Variants in ABCB1 observed in about 807,000 individuals in gnomAD.
ABCB1 encodes ATP-dependent translocase ABCB1.
ABCB1 carries 69 observed loss-of-function variants against 142.0 expected under a neutral mutation model. The observed-to-expected ratio is 0.49, with a 90% confidence interval of 0.40 to 0.59. The LOEUF is 0.59. ABCB1 is among the 20% of genes least tolerant of loss of function. The probability of loss-of-function intolerance (pLI) is 0.00; values close to 1 mark genes in which losing one functional copy is unlikely to be tolerated. For missense variants in ABCB1, 1,326 were observed against 1,554.7 expected (o/e 0.85, Z 2.47); for synonymous variants, 532 against 539.2 (o/e 0.99, Z 0.18).
chr7:87,600,282 A>C (rs1819394962), intron 1 of ABCB1, 92 bp from the exon 2 acceptor site: 18 of 1,092,896 alleles, frequency 1.6e-5, no homozygotes, highest in Non-Finnish European at 2.3e-5. Flanking sequence ...GAAGCCAGAG[A>C]GCAGTAAGAG....
chr7:87,506,135 C>T, intron 26 of ABCB1, 92 bp from the exon 27 acceptor site: 5 of 1,345,424 alleles, frequency 3.7e-6, no homozygotes, highest in East Asian at 2.4e-5. Context: ...ATTCTATATA[C>T]TCCAAAAATT....
At chr7:87,504,893 A>C (rs1365567312) in intron 27 of ABCB1, among the ~76,000 whole-genome samples, 1 of 152,108 alleles carries the variant, frequency 6.6e-6, no homozygotes, top group Admixed American at 6.6e-5. Flanking sequence ...GTTTTTGAAA[A>C]CAAAGGATTT....
intron 6 of ABCB1, 37 bp from the exon 7 acceptor site, chr7:87,566,278 A>G: frequency 1.2e-6 from 2 of 1,600,990 alleles, no homozygotes; most frequent in South Asian, 2.2e-5. Flanking sequence ...AATTGTCAGA[A>G]TTGTAAACAT....
At chr7:87,608,318 C>CAG (rs1819732088) in intron 1 of ABCB1, among the ~76,000 whole-genome samples, 1 of 152,072 alleles carries the variant, frequency 6.6e-6, no homozygotes, top group South Asian at 2.1e-4. Flanking sequence ...GTCTATATTC[C>CAG]GAATGTTTAC....
chr7:87,614,259 T>C (rs1260945034), intron 1 of ABCB1, among the ~76,000 whole-genome samples: 1 of 152,140 alleles, frequency 6.6e-6, no homozygotes, highest in Non-Finnish European at 1.5e-5. Context: ...TAGCCAGATG[T>C]GGTGGCATGC....
At chr7:87,699,349 A>T (rs1013068692) in intron 1 of ABCB1, among the ~76,000 whole-genome samples, 3 of 152,162 alleles carry the variant, frequency 2.0e-5, no homozygotes, top group Admixed American at 2.0e-4. Flanking sequence ...CTCATATTCC[A>T]CTTAAAAATA....
intron 1 of ABCB1, among the ~76,000 whole-genome samples, chr7:87,669,769 T>C (rs1263174130): frequency 3.9e-5 from 6 of 152,158 alleles, no homozygotes; most frequent in African/African-American, 1.4e-4. Flanking sequence ...GTTGAAGATT[T>C]TTTTCTTTAA....
chr7:87,708,438 A>G (rs1829793964), intron 1 of ABCB1, among the ~76,000 whole-genome samples: 1 of 152,122 alleles, frequency 6.6e-6, no homozygotes, highest in Non-Finnish European at 1.5e-5. Flanking sequence ...CACCAAAACT[A>G]ACACGAAAAG....
intron 1 of ABCB1, chr7:87,710,504 T>C: frequency 1.2e-6 from 1 of 868,400 alleles, no homozygotes; most frequent in Non-Finnish European, 1.8e-6. Context: ...AAAATATTTT[T>C]GATGGCACAG....
chr7:87,546,044 G>T lies in ABCB1; in HGVS notation c.1726-20C>A, dbSNP rs1338337920. ...TCTGGCCTAAAGAGAGAGAAATTTGGTTTTTGAATACATTAACAATTACCT... is the reference window on the plus strand; with the variant it reads ...TCTGGCCTAAAGAGAGAGAAATTTGTTTTTTGAATACATTAACAATTACCT... On this transcript the variant is annotated intron_variant, in intron 14 of 27. Transcript: ENST00000622132. 1 of 1,613,636 alleles carries T rather than the reference G, an allele frequency of 6.2e-7. No individual in the cohort carries two copies. The highest frequency in any genetic ancestry group is 1.7e-5 in the Admixed American group (1 of 60,012).
intron 1 of ABCB1, among the ~76,000 whole-genome samples, chr7:87,680,318 C>T (rs1378862175): frequency 2.0e-5 from 3 of 150,588 alleles, no homozygotes; most frequent in Non-Finnish European, 4.4e-5. Context: ...GCTAATAACT[C>T]TTGGATCAAA....
At chr7:87,626,996 G>A (rs1261973508) in intron 1 of ABCB1, among the ~76,000 whole-genome samples, 1 of 151,932 alleles carries the variant, frequency 6.6e-6, no homozygotes. Context: ...GGCTGGTCTC[G>A]AACTCCTGAC....
chr7:87,650,719 A>AT (rs1454474111), intron 1 of ABCB1: 2 of 710,818 alleles, frequency 2.8e-6, no homozygotes, highest in Middle Eastern at 2.4e-4. Flanking sequence ...ACTCTTGTAA[A>AT]ATATTTTTAC....
chr7:87,506,368 A>G (rs895182446), intron 26 of ABCB1, among the ~76,000 whole-genome samples: 1 of 152,212 alleles, frequency 6.6e-6, no homozygotes, highest in Admixed American at 6.5e-5. Flanking sequence ...TGGCAGGAGA[A>G]AGGAAATTTG....
chr7:87,647,242 A>G (rs1823100436), intron 1 of ABCB1, among the ~76,000 whole-genome samples: 1 of 152,182 alleles, frequency 6.6e-6, no homozygotes, highest in African/African-American at 2.4e-5. Flanking sequence ...CAAAGTCAAA[A>G]TTATTTTCTT....
chr7:87,535,597 C>A (rs1411567007), intron 20 of ABCB1, among the ~76,000 whole-genome samples: 3 of 152,102 alleles, frequency 2.0e-5, no homozygotes, highest in Admixed American at 2.0e-4. Context: ...GGTACTATGC[C>A]TTCTGAAACT....
chr7:87,668,516 C>A (rs1231610744), intron 1 of ABCB1, among the ~76,000 whole-genome samples: 2 of 151,424 alleles, frequency 1.3e-5, no homozygotes, highest in South Asian at 4.2e-4. Flanking sequence ...TCTTGTCTTC[C>A]GCTAGTATTG....
At chr7:87,611,021 A>G (rs1169821549) in intron 1 of ABCB1, among the ~76,000 whole-genome samples, 1 of 152,160 alleles carries the variant, frequency 6.6e-6, no homozygotes, top group East Asian at 1.9e-4. Flanking sequence ...GGGCTACTTT[A>G]ACTAGTTTCT....
intron 3 of ABCB1, among the ~76,000 whole-genome samples, chr7:87,587,751 T>C (rs1818821142): frequency 6.6e-6 from 1 of 151,654 alleles, no homozygotes; most frequent in African/African-American, 2.4e-5. Context: ...GGCAGGCGCC[T>C]GTAATCCCAG....
Sources: allele counts gnomAD v4.1 joint callset (sites outside exome capture counted in the v4.1 genomes callset), GRCh38; gene constraint gnomAD v4.1.1; transcripts MANE v1.5; gene names NCBI Gene and HGNC (gene_info 2026-07-23, HGNC 2026-07-21).